The following SHROOM4 variants were observed in gnomAD, a reference collection of about 807,000 sequenced individuals.
SHROOM4 encodes protein Shroom4.
SHROOM4 carries 17 observed loss-of-function variants against 80.3 expected under a neutral mutation model. The observed-to-expected ratio is 0.21, with a 90% CI of 0.14 to 0.32. SHROOM4 has a LOEUF of 0.32. SHROOM4 is among the 10% of genes least tolerant of loss of function. The pLI is 1.00. For synonymous variants in SHROOM4, 400 were observed against 437.5 expected, an observed-to-expected ratio of 0.91 and a Z score of 1.07; for missense variants, 993 against 1,140.3, an observed-to-expected ratio of 0.87 and a Z score of 1.86.
chrX:50,718,005 G>A (rs782258260), intron 1 of SHROOM4, among the ~76,000 whole-genome samples: 44 of 111,238 alleles, frequency 4.0e-4, no homozygotes, highest in Admixed American at 9.6e-5. Context: ...CCAGGTTCAG[G>A]CCTAGATCCT....
intron 1 of SHROOM4, among the ~76,000 whole-genome samples, chrX:50,806,695 C>T (rs993903339): frequency 2.1e-4 from 24 of 112,218 alleles, no homozygotes; most frequent in African/African-American, 6.8e-4. Flanking sequence ...AATATAAAAA[C>T]GTTACTTGCT....
At chrX:50,622,545 A>G (rs1930618063) in intron 5 of SHROOM4, among the ~76,000 whole-genome samples, 2 of 112,729 alleles carry the variant, frequency 1.8e-5, no homozygotes, top group African/African-American at 3.2e-5. Flanking sequence ...AAGACAACTA[A>G]GAGTATAACT....
intron 1 of SHROOM4, among the ~76,000 whole-genome samples, chrX:50,780,047 T>C (rs1481574848): frequency 9.0e-6 from 1 of 111,344 alleles, no homozygotes; most frequent in Non-Finnish European, 1.9e-5. Context: ...AGGTAATAAA[T>C]CCCTTGGGTA....
At chrX:50,768,375 A>G (rs1322298188) in intron 1 of SHROOM4, among the ~76,000 whole-genome samples, 1 of 112,187 alleles carries the variant, frequency 8.9e-6, no homozygotes, top group Non-Finnish European at 1.9e-5. Flanking sequence ...GAGCCACACA[A>G]CCAACAAAAC....
In SHROOM4 at chrX:50,805,681, C is replaced by G. The variant is rs782341021; in HGVS notation, c.117+8221G>C. Among the ~76,000 whole-genome samples, 133 of 111,721 alleles carry G rather than the reference C, an allele frequency of 1.2e-3. 1 individual carries two copies. Among genetic ancestry groups the G allele is most frequent in the Non-Finnish European group, 2.2e-3 (115 of 53,145 alleles). On this transcript the variant is annotated intron_variant, in intron 1 of 8. Coordinates refer to ENST00000376020, the MANE Select transcript of SHROOM4 (RefSeq NM_020717.5). ...GCCTAGACCAAGTAAGGGTCCTTAGCAACCCTTCAGTAAAGCAAGAACTTG... is the reference window on the plus strand; with the variant it reads ...GCCTAGACCAAGTAAGGGTCCTTAGGAACCCTTCAGTAAAGCAAGAACTTG...
chrX:50,575,888 C>T, the SHROOM4 span, among the ~76,000 whole-genome samples: 36 of 111,894 alleles, frequency 3.2e-4, no homozygotes, highest in South Asian at 4.2e-3. Context: ...TCCTCAATCC[C>T]AGGAAACCTA....
chrX:50,717,983 A>C (rs782231363), intron 1 of SHROOM4, among the ~76,000 whole-genome samples: 1 of 111,651 alleles, frequency 9.0e-6, no homozygotes, highest in Admixed American at 9.5e-5. Flanking sequence ...AAGACCAAGA[A>C]AGTGCCCTGC....
At chrX:50,813,164 G>GGCGGCGGCGGCGGCGGCGGCGGCA (rs1557273624) in intron 1 of SHROOM4, among the ~76,000 whole-genome samples, 1 of 106,820 alleles carries the variant, frequency 9.4e-6, no homozygotes, top group African/African-American at 3.4e-5. Flanking sequence ...CGGCAGTGGC[G>GGCGGCGGCGGCGGCGGCGGCGGCA]GCGGCGGCGG....
chrX:50,601,901 G>A (rs951905079), intron 7 of SHROOM4, among the ~76,000 whole-genome samples: 3 of 111,167 alleles, frequency 2.7e-5, no homozygotes, highest in Non-Finnish European at 5.7e-5. Flanking sequence ...GATGTGCCCT[G>A]GGTAGTGAGT....
chrX:50,798,166 C>T (rs2147723322), intron 1 of SHROOM4, among the ~76,000 whole-genome samples: 1 of 110,522 alleles, frequency 9.0e-6, no homozygotes, highest in South Asian at 3.9e-4. Context: ...ATTGCTTACT[C>T]CCCTTCTAGT....
intron 5 of SHROOM4, among the ~76,000 whole-genome samples, chrX:50,611,340 C>T (rs1431580255): frequency 9.2e-6 from 1 of 108,224 alleles, no homozygotes; most frequent in Admixed American, 9.8e-5. Flanking sequence ...TTAGTAGAGA[C>T]GGGGTTTCAC....
intron 4 of SHROOM4, among the ~76,000 whole-genome samples, chrX:50,629,014 AGT>A (rs1930934236): frequency 8.9e-6 from 1 of 111,794 alleles, no homozygotes; most frequent in African/African-American, 3.3e-5. Context: ...GTTCAACCAC[AGT>A]GGGGGCCAGG....
Position 50,651,729 on chromosome X carries a change from C to T in SHROOM4, c.270-13421G>A, listed in dbSNP as rs147881497. On this transcript the variant is annotated intron_variant, in intron 2 of 8. Coordinates refer to ENST00000376020, the MANE Select transcript of SHROOM4 (RefSeq NM_020717.5). ...GTATTTCTCCTAATGCTATCCCTCCCCTAGCCCCTTAACCCCCGACATGCC... is the reference window on the plus strand; with the variant it reads ...GTATTTCTCCTAATGCTATCCCTCCTCTAGCCCCTTAACCCCCGACATGCC... 2.9e-4 allele frequency among the ~76,000 whole-genome samples: 32 copies of T among 110,755 alleles called. No individual in the cohort carries two copies. The East Asian group carries it at 4.0e-3, about 14-fold the overall frequency.
At chrX:50,650,605 A>G (rs1602404155) in intron 2 of SHROOM4, among the ~76,000 whole-genome samples, 1 of 109,101 alleles carries the variant, frequency 9.2e-6, no homozygotes, top group South Asian at 4.0e-4. Flanking sequence ...TGATCCGCCC[A>G]CCTCGATCTC....
intron 1 of SHROOM4, among the ~76,000 whole-genome samples, chrX:50,801,198 G>A (rs943111448): frequency 1.9e-5 from 2 of 105,655 alleles, no homozygotes; most frequent in South Asian, 4.6e-4. Context: ...AGATGCCAAC[G>A]TGGTAGGGAA....
intron 6 of SHROOM4, among the ~76,000 whole-genome samples, chrX:50,606,602 C>G (rs372387056): frequency 1.9e-5 from 2 of 107,873 alleles, no homozygotes; most frequent in African/African-American, 6.8e-5. Flanking sequence ...AAAAAAAAAA[C>G]CCAACCATGC....
intron 3 of SHROOM4, among the ~76,000 whole-genome samples, chrX:50,636,076 T>C (rs1931344465): frequency 9.0e-6 from 1 of 111,202 alleles, no homozygotes; most frequent in Admixed American, 9.6e-5. Flanking sequence ...GATTCAGTTT[T>C]AGCCGGACCA....
At chrX:50,734,040 C>T (rs1934426099) in intron 1 of SHROOM4, among the ~76,000 whole-genome samples, 1 of 111,906 alleles carries the variant, frequency 8.9e-6, no homozygotes, top group Non-Finnish European at 1.9e-5. Flanking sequence ...AAAAGAATAA[C>T]ATACTTTGGA....
intron 1 of SHROOM4, among the ~76,000 whole-genome samples, chrX:50,751,363 G>A (rs1297916628): frequency 8.9e-6 from 1 of 112,171 alleles, no homozygotes; most frequent in Non-Finnish European, 1.9e-5. Flanking sequence ...GGGAACAACA[G>A]AGAACTAGTA....
Sources: gnomAD v4.1 joint callset for allele counts (sites outside exome capture counted in the v4.1 genomes callset) on GRCh38, gnomAD v4.1.1 for gene constraint, MANE v1.5 for transcripts, NCBI Gene and HGNC (gene_info 2026-07-23, HGNC 2026-07-21) for gene names.